The following PCDHA10 variants were observed in gnomAD, a reference collection of about 807,000 sequenced individuals.
PCDHA10 encodes protocadherin alpha 10, also known as protocadherin alpha-10.
In PCDHA10, 45 loss-of-function variants were observed where a neutral mutation model predicts 61.2. The observed-to-expected ratio is 0.74, with a 90% CI of 0.58 to 0.94. The LOEUF (loss-of-function observed/expected upper bound fraction) is 0.94. Ranked by LOEUF, PCDHA10 falls within the 40% of genes least tolerant of loss-of-function variation. PCDHA10 has a pLI of 0.00. For synonymous variants in PCDHA10, 602 were observed against 548.8 expected, an observed-to-expected ratio of 1.10 and a Z score of -1.35; for missense variants, 1,278 against 1,236.2, an observed-to-expected ratio of 1.03 and a Z score of -0.51.
In PCDHA10 at chr5:140,856,851, C is replaced by T. The variant is rs140022509; in HGVS notation, c.803C>T (p.Ser268Leu). 2.5e-6 allele frequency: 4 copies of T among 1,593,160 alleles called. No homozygotes were observed. The highest frequency in any genetic ancestry group is 1.7e-5 in the Admixed American group (1 of 59,204). ...TLVIRLNASD[S>L]DEGINKEMMY... ...GTAATACGGCTCAACGCTTCTGATT[C>T]GGATGAAGGAATAAACAAGGAAATG... Residue 268 changes from serine (S) to leucine (L), a missense_variant, in exon 1 of 4, where the codon TCG becomes TTG. Physicochemically the swap from Ser to Leu is moderately radical, Grantham distance 145. Transcript: ENST00000307360.
intron 1 of PCDHA10, among the ~76,000 whole-genome samples, chr5:140,913,922 A>G (rs2076507888): frequency 6.6e-6 from 1 of 151,936 alleles, no homozygotes; most frequent in South Asian, 2.1e-4. Context: ...ATTTTACTTC[A>G]TTGTGGTCAG....
rs1386939569 is a variant in PCDHA10 at position 140,856,853 on chromosome 5, G to C, written c.805G>C (p.Asp269His). The C allele has an allele frequency of 6.9e-6, 11 of 1,594,152 alleles. 1 individual carries two copies. The highest frequency in any genetic ancestry group is 9.4e-6 in the Non-Finnish European group (11 of 1,164,260). ...AATACGGCTCAACGCTTCTGATTCG[G>C]ATGAAGGAATAAACAAGGAAATGAT... Reference protein sequence around the residue: ...LVIRLNASDSDEGINKEMMYS... With the variant: ...LVIRLNASDSHEGINKEMMYS... Residue 269 changes from aspartate (D) to histidine (H), a missense_variant, in exon 1 of 4, where the codon GAT becomes CAT. By Grantham distance (81) the Asp-to-His change is moderately conservative. Coordinates refer to ENST00000307360, the MANE Select transcript of PCDHA10 (RefSeq NM_018901.4).
intron 1 of PCDHA10, chr5:140,884,085 G>A (rs1181483962): frequency 6.2e-7 from 1 of 1,613,484 alleles, no homozygotes; most frequent in Non-Finnish European, 8.5e-7. Flanking sequence ...TACAATGCGT[G>A]GCTTTCGTAT....
intron 1 of PCDHA10, chr5:140,968,152 C>T (rs782362724): frequency 6.2e-7 from 1 of 1,614,172 alleles, no homozygotes; most frequent in South Asian, 1.1e-5. Context: ...TCTCTGACAT[C>T]AATGACAATC....
intron 3 of PCDHA10, among the ~76,000 whole-genome samples, chr5:140,999,135 C>T (rs2097848218): frequency 6.6e-6 from 1 of 152,180 alleles, no homozygotes; most frequent in Non-Finnish European, 1.5e-5. Context: ...GAAAATGTCA[C>T]AGCCGGAAGT....
intron 1 of PCDHA10, among the ~76,000 whole-genome samples, chr5:140,915,369 G>GTC (rs2077091836): frequency 6.6e-6 from 1 of 152,160 alleles, no homozygotes; most frequent in Admixed American, 6.5e-5. Context: ...ACCAGTAAGT[G>GTC]TCTCGGCATT....
chr5:140,927,706 C>G lies in PCDHA10; in HGVS notation c.2389-51243C>G, dbSNP rs1584519766. The G allele has an allele frequency of 1.2e-6, 2 of 1,614,108 alleles. No homozygotes were observed. Among genetic ancestry groups the G allele is most frequent in the African/African-American group, 2.7e-5 (2 of 74,940 alleles). Reference sequence around the variant, plus strand: ...GTCCAATGGGGAAGTCCAGTACTCCCTAAGCAACAGCACGCAAGCAGAGCT... The same window carrying G: ...GTCCAATGGGGAAGTCCAGTACTCCGTAAGCAACAGCACGCAAGCAGAGCT... On this transcript the variant is annotated intron_variant, in intron 1 of 3. Coordinates refer to ENST00000307360, the MANE Select transcript of PCDHA10 (RefSeq NM_018901.4).
At chr5:140,973,833 T>C (rs1332537198) in intron 1 of PCDHA10, among the ~76,000 whole-genome samples, 1 of 152,242 alleles carries the variant, frequency 6.6e-6, no homozygotes, top group Non-Finnish European at 1.5e-5. Context: ...TCTGGGTACT[T>C]GCTTGTTGCC....
chr5:140,895,257 T>C (rs1180344268), intron 1 of PCDHA10, among the ~76,000 whole-genome samples: 2 of 152,212 alleles, frequency 1.3e-5, no homozygotes, highest in Non-Finnish European at 1.5e-5. Flanking sequence ...AGCTTTCTTT[T>C]TTTTCTTACT....
chr5:140,975,503 CT>C (rs1189456467), intron 1 of PCDHA10, among the ~76,000 whole-genome samples: 3 of 152,178 alleles, frequency 2.0e-5, no homozygotes, highest in Non-Finnish European at 4.4e-5. Flanking sequence ...TAAAATAGCA[CT>C]ATGCAAAATC....
intron 3 of PCDHA10, among the ~76,000 whole-genome samples, chr5:140,996,834 A>G (rs527764387): frequency 1.7e-4 from 26 of 152,374 alleles, no homozygotes; most frequent in Middle Eastern, 3.4e-3. Flanking sequence ...CCAATAATTT[A>G]GCGTGCATCT....
intron 1 of PCDHA10, chr5:140,966,634 G>A: frequency 9.8e-7 from 1 of 1,022,982 alleles, no homozygotes; most frequent in Non-Finnish European, 1.3e-6. Flanking sequence ...GGCCCCAGGC[G>A]CTTTCTAGAG....
chr5:140,927,204 G>A, intron 1 of PCDHA10: 1 of 1,614,112 alleles, frequency 6.2e-7, no homozygotes, highest in Non-Finnish European at 8.5e-7. Context: ...TCGAGGACCC[G>A]CTGGAGCTGC....
chr5:140,857,805 C>T lies in PCDHA10; in HGVS notation c.1757C>T (p.Ala586Val), dbSNP rs1311256758. Residue 586 changes from alanine (A) to valine (V), a missense_variant, in exon 1 of 4, where the codon GCG becomes GTG. Physicochemically the swap from Ala to Val is moderately conservative, Grantham distance 64. Coordinates refer to ENST00000307360, the MANE Select transcript of PCDHA10 (RefSeq NM_018901.4). ...VSELVLRSVV[A>V]GHVVAKVRAV... ...GAGCTGGTGCTGCGGTCGGTGGTTG[C>T]GGGTCACGTGGTGGCTAAGGTGCGC... The T allele has an allele frequency of 2.9e-5, 47 of 1,597,594 alleles. 7 individuals are homozygous for T. The highest frequency in any genetic ancestry group is 5.1e-5 in the Admixed American group (3 of 59,234).
At chr5:140,892,552 T>A (rs1041756319) in intron 1 of PCDHA10, among the ~76,000 whole-genome samples, 1 of 152,222 alleles carries the variant, frequency 6.6e-6, no homozygotes, top group East Asian at 1.9e-4. Flanking sequence ...GTTTCTCTAG[T>A]CCTTGGAGAC....
chr5:140,870,319 T>A, intron 1 of PCDHA10: 1 of 1,614,162 alleles, frequency 6.2e-7, no homozygotes, highest in Non-Finnish European at 8.5e-7. Context: ...TTACTACTCG[T>A]TGGTGCTGGA....
chr5:141,007,494 G>A (rs538537497), intron 3 of PCDHA10, among the ~76,000 whole-genome samples: 20 of 152,150 alleles, frequency 1.3e-4, no homozygotes, highest in African/African-American at 4.8e-4. Flanking sequence ...CTTGGACCTA[G>A]GAGGCAGAGA....
At chr5:140,870,992 T>G (rs782714479) in intron 1 of PCDHA10, 3 of 1,613,478 alleles carry the variant, frequency 1.9e-6, no homozygotes, top group Non-Finnish European at 2.5e-6. Flanking sequence ...ACGGGCGAGA[T>G]AAGCACAACG....
chr5:140,950,708 T>A (rs1554219597), intron 1 of PCDHA10, among the ~76,000 whole-genome samples: 1 of 152,068 alleles, frequency 6.6e-6, no homozygotes, highest in East Asian at 1.9e-4. Context: ...AAATTTTTGT[T>A]CCTTATATCC....
Sources: gnomAD v4.1 joint callset for allele counts (sites outside exome capture counted in the v4.1 genomes callset) on GRCh38, gnomAD v4.1.1 for gene constraint, MANE v1.5 for transcripts, NCBI Gene and HGNC (gene_info 2026-07-23, HGNC 2026-07-21) for gene names.